The following DARS1 variants were observed in gnomAD, a reference collection of about 807,000 sequenced individuals.
DARS1 encodes aspartyl-tRNA synthetase 1.
Under a neutral mutation model 68.8 loss-of-function variants are expected in DARS1, and 51 were observed. The ratio of observed to expected loss-of-function variants is 0.74; its 90% CI spans 0.59 to 0.94. The LOEUF (loss-of-function observed/expected upper bound fraction) is 0.94, where lower values mean the gene tolerates loss of function less well. Ranked by LOEUF, DARS1 falls within the 40% of genes least tolerant of loss-of-function variation. DARS1 has a pLI of 0.00. For synonymous variants in DARS1, 203 were observed against 190.4 expected (o/e 1.07, Z -0.55); for missense variants, 607 against 597.3 (o/e 1.02, Z -0.17).
At chr2:135,952,148 G>A (rs1323100813) in intron 4 of DARS1, among the ~76,000 whole-genome samples, 11 of 152,314 alleles carry the variant, frequency 7.2e-5, no homozygotes, top group East Asian at 5.8e-4. Context: ...GGAGGCTGAC[G>A]CAGGAGAATC....
intron 7 of DARS1, 144 bp from the exon 8 acceptor site, chr2:135,924,642 C>T (rs1411769108): frequency 4.8e-6 from 6 of 1,254,068 alleles, no homozygotes; most frequent in East Asian, 3.1e-5. Context: ...CGAAAGGACA[C>T]GAATAAATAC....
At chr2:135,949,234 A>G (rs1681791893) in intron 4 of DARS1, among the ~76,000 whole-genome samples, 1 of 152,136 alleles carries the variant, frequency 6.6e-6, no homozygotes, top group African/African-American at 2.4e-5. Context: ...TTTCACATTA[A>G]TTGTAGTCCT....
At chr2:135,918,694 TCTATTA>T (rs1681052992) in intron 10 of DARS1, among the ~76,000 whole-genome samples, 1 of 107,728 alleles carries the variant, frequency 9.3e-6, no homozygotes, top group Non-Finnish European at 2.1e-5. Flanking sequence ...AATGTCAAAC[TCTATTA>T]TTTAATGGAG....
chr2:135,942,718 C>T (rs1681630706), intron 5 of DARS1, among the ~76,000 whole-genome samples: 1 of 152,020 alleles, frequency 6.6e-6, no homozygotes, highest in Admixed American at 6.6e-5. Context: ...CATCAAAAAA[C>T]TTATAGCAAG....
At chr2:135,964,700 G>C (rs1682182460) in intron 3 of DARS1, among the ~76,000 whole-genome samples, 1 of 151,978 alleles carries the variant, frequency 6.6e-6, no homozygotes, top group Non-Finnish European at 1.5e-5. Context: ...TATTAGCCGG[G>C]CGTGGTGGCA....
At chr2:135,926,246 T>C (rs754469352) in intron 7 of DARS1, among the ~76,000 whole-genome samples, 11 of 152,194 alleles carry the variant, frequency 7.2e-5, no homozygotes, top group Non-Finnish European at 1.3e-4. Context: ...CTGGTTGTCA[T>C]AGATTATTTA....
intron 3 of DARS1, among the ~76,000 whole-genome samples, chr2:135,966,184 C>G (rs1400580182): frequency 7.5e-6 from 1 of 133,800 alleles, no homozygotes. Flanking sequence ...TTTTTTTTTT[C>G]TGCAAGAACA....
Position 135,907,261 on chromosome 2 carries a change from TGAG to T in DARS1, c.*52_*54del. The T allele has an allele frequency of 3.4e-6, 3 of 889,228 alleles. No homozygotes were observed. The highest frequency in any genetic ancestry group is 5.0e-6 in the Non-Finnish European group (3 of 601,872). 55.1% of individuals were successfully genotyped at this position (889,228 alleles called of 1,614,324 possible). A position where few individuals can be genotyped will look rare whatever the true frequency, so the allele number is the denominator to read the frequency against. ...GGCTTTCTTTTTTTTTTTTTTTTTT[TGAG>T]GCAGGGTCTCGCTCTGTCATCCACA... On this transcript the variant is annotated 3_prime_UTR_variant, in exon 16 of 16. Coordinates refer to ENST00000264161, the MANE Select transcript of DARS1 (RefSeq NM_001349.4).
Position 135,916,353 on chromosome 2 carries a change from T to C in DARS1, c.979A>G (p.Thr327Ala). 1 of 1,518,184 alleles carries C rather than the reference T, an allele frequency of 6.6e-7. No homozygotes were observed. Among genetic ancestry groups the C allele is most frequent in the Middle Eastern group, 1.7e-4 (1 of 5,880 alleles). 94.0% of individuals were successfully genotyped at this position (1,518,184 alleles called of 1,614,324 possible). The change falls in exon 11 of 16, where the codon ACA becomes GCA. Residue 327 changes from threonine (T) to alanine (A), a missense_variant. Transcript: ENST00000264161. ...TCACATGGGAACTGTTTATTCACTGTTTGAATTTCAGTCTGAAACCTATTT... is the reference window on the plus strand; with the variant it reads ...TCACATGGGAACTGTTTATTCACTGCTTGAATTTCAGTCTGAAACCTATTT... The part of the protein sequence containing the change: ...LQERFQTEIQ[T>A]VNKQFPCEPF...
intron 3 of DARS1, among the ~76,000 whole-genome samples, chr2:135,968,287 C>A (rs1036136555): frequency 6.6e-6 from 1 of 152,108 alleles, no homozygotes; most frequent in African/African-American, 2.4e-5. Context: ...AGATAATCTA[C>A]ATTGGCAGAA....
At chr2:135,930,326 G>A (rs1681314349) in intron 7 of DARS1, among the ~76,000 whole-genome samples, 2 of 152,216 alleles carry the variant, frequency 1.3e-5, no homozygotes, top group South Asian at 4.1e-4. Flanking sequence ...ATAATGTGGT[G>A]TATTAGCAAA....
chr2:135,921,056 G>C (rs1255820622), intron 9 of DARS1, among the ~76,000 whole-genome samples: 1 of 150,726 alleles, frequency 6.6e-6, no homozygotes, highest in African/African-American at 2.4e-5. Flanking sequence ...CTAGAGTCAG[G>C]AAGACTGGAC....
In DARS1 at chr2:135,906,065, T is replaced by C. The variant is rs1445040922; in HGVS notation, c.*1251A>G. Reference sequence around the variant, plus strand: ...GGGGTGCCTTCTATATTTAAGGTATTCTGGTAGGATATGAAAGAAAAAAAT... The same window carrying C: ...GGGGTGCCTTCTATATTTAAGGTATCCTGGTAGGATATGAAAGAAAAAAAT... On this transcript the variant is annotated 3_prime_UTR_variant, in exon 16 of 16. Coordinates refer to ENST00000264161, the MANE Select transcript of DARS1 (RefSeq NM_001349.4). Among the ~76,000 whole-genome samples the C allele has an allele frequency of 6.6e-6, 1 of 152,188 alleles. No homozygotes were observed. Among genetic ancestry groups the C allele is most frequent in the African/African-American group, 2.4e-5 (1 of 41,444 alleles).
At chr2:135,977,930 G>A (rs1427986104) in intron 3 of DARS1, among the ~76,000 whole-genome samples, 2 of 152,010 alleles carry the variant, frequency 1.3e-5, no homozygotes, top group Non-Finnish European at 2.9e-5. Flanking sequence ...ATCACCTGAG[G>A]TCGGGAGTTC....
intron 8 of DARS1, 95 bp from the exon 9 acceptor site, chr2:135,923,013 C>CT: frequency 7.9e-7 from 1 of 1,260,016 alleles, no homozygotes; most frequent in Non-Finnish European, 1.0e-6. Flanking sequence ...AGGTAACTCA[C>CT]TTTAACAAAA....
chr2:135,921,886 T>C (rs1024658912), intron 9 of DARS1, among the ~76,000 whole-genome samples: 2 of 152,196 alleles, frequency 1.3e-5, no homozygotes, highest in Admixed American at 1.3e-4. Flanking sequence ...GCAGCAGGTG[T>C]TCAACAAATA....
intron 4 of DARS1, among the ~76,000 whole-genome samples, chr2:135,946,111 G>A (rs1349764883): frequency 6.6e-6 from 1 of 152,198 alleles, no homozygotes; most frequent in East Asian, 1.9e-4. Context: ...GGTTTTATGT[G>A]TGTATATATA....
chr2:135,983,523 CTAA>C (rs1324866440), intron 1 of DARS1, 69 bp from the exon 2 acceptor site: 19 of 624,516 alleles, frequency 3.0e-5, no homozygotes, highest in Non-Finnish European at 4.8e-5. Flanking sequence ...CACATAAATA[CTAA>C]TAATAGAATA....
rs563630296 is a variant in DARS1, at chr2:135,916,239, C to T, written c.1093G>A (p.Glu365Lys). Residue 365 changes from glutamate to lysine, a missense_variant, in exon 11 of 16, where the codon GAA becomes AAA. Coordinates refer to ENST00000264161, the MANE Select transcript of DARS1 (RefSeq NM_001349.4). ...ACAAAGACAAACCTCAGATCGTCTT[C>T]ATCTCCCATTTCGACTCCAGCTTCC... ...LREAGVEMGDEDDLSTPNEKL... is the reference protein window; with the variant it reads ...LREAGVEMGDKDDLSTPNEKL... 2 of 1,591,616 alleles carry T rather than the reference C, an allele frequency of 1.3e-6. No homozygotes were observed. Among genetic ancestry groups the T allele is most frequent in the South Asian group, 2.2e-5 (2 of 90,532 alleles).
Sources: allele counts gnomAD v4.1 joint callset (sites outside exome capture counted in the v4.1 genomes callset), GRCh38; gene constraint gnomAD v4.1.1; transcripts MANE v1.5; gene names NCBI Gene and HGNC (gene_info 2026-07-23, HGNC 2026-07-21).